DPP6: variants seen among roughly 807,000 people sequenced by gnomAD.
DPP6 encodes dipeptidyl peptidase like 6, also known as A-type potassium channel modulatory protein DPP6.
In DPP6, 69 loss-of-function variants were observed where a neutral mutation model predicts 122.6. The ratio of observed to expected loss-of-function variants is 0.56; its 90% CI spans 0.46 to 0.69. The LOEUF (loss-of-function observed/expected upper bound fraction) is 0.69, where lower values mean the gene tolerates loss of function less well. Ranked by LOEUF, DPP6 falls within the 30% of genes least tolerant of loss-of-function variation. The probability of loss-of-function intolerance (pLI) is 0.00; values close to 1 mark genes in which losing one functional copy is unlikely to be tolerated. For synonymous variants in DPP6, 418 were observed against 433.1 expected, an observed-to-expected ratio of 0.97 and a Z score of 0.43; for missense variants, 928 against 1,116.9, an observed-to-expected ratio of 0.83 and a Z score of 2.41.
chr7:154,422,363 A>C (rs1468385605), intron 1 of DPP6, among the ~76,000 whole-genome samples: 1 of 152,198 alleles, frequency 6.6e-6, no homozygotes, highest in Admixed American at 6.5e-5. Flanking sequence ...CATAGAAGCA[A>C]ATTTGTGTAT....
chr7:154,209,861 C>G (rs540038496), intron 1 of DPP6, among the ~76,000 whole-genome samples: 1 of 152,304 alleles, frequency 6.6e-6, no homozygotes, highest in East Asian at 1.9e-4. Flanking sequence ...AGGAACAAGA[C>G]AGTCAAAGGG....
At chr7:154,458,984 T>C (rs1821038722) in intron 2 of DPP6, among the ~76,000 whole-genome samples, 1 of 152,124 alleles carries the variant, frequency 6.6e-6, no homozygotes, top group Non-Finnish European at 1.5e-5. Context: ...TTTTCAAAAT[T>C]TGAGAGAAAG....
chr7:154,821,823 T>C lies in DPP6; in HGVS notation c.1666+14711T>C, dbSNP rs946239217. Reference sequence around the variant, plus strand: ...GAAACAGTAAGACCATTTTGGTGACTACAAAATGTAAACTACTAATTAAGA... The same window carrying C: ...GAAACAGTAAGACCATTTTGGTGACCACAAAATGTAAACTACTAATTAAGA... On this transcript the variant is annotated intron_variant, in intron 16 of 25. Transcript: ENST00000377770. The surrounding 1 kb of genome is among the most constrained non-coding windows in gnomAD (Gnocchi z 4.2). 2.6e-5 allele frequency among the ~76,000 whole-genome samples: 4 copies of C among 152,060 alleles called. No homozygotes were observed. Among genetic ancestry groups the C allele is most frequent in the African/African-American group, 4.8e-5 (2 of 41,400 alleles).
At chr7:154,242,148 C>A (rs1290209733) in intron 1 of DPP6, among the ~76,000 whole-genome samples, 2 of 152,120 alleles carry the variant, frequency 1.3e-5, no homozygotes, top group Non-Finnish European at 2.9e-5. Flanking sequence ...TTGTGCATAC[C>A]CCCGACTGGC....
At chr7:154,079,226 C>G (rs1563176985) in intron 1 of DPP6, among the ~76,000 whole-genome samples, 2 of 152,214 alleles carry the variant, frequency 1.3e-5, no homozygotes, top group Non-Finnish European at 2.9e-5. Flanking sequence ...TCTTTCCACA[C>G]AACTCCGTTT....
intron 13 of DPP6, among the ~76,000 whole-genome samples, chr7:154,801,916 C>T (rs1011357359): frequency 5.9e-5 from 9 of 152,102 alleles, no homozygotes; most frequent in African/African-American, 1.9e-4. Flanking sequence ...ATTATGTGAC[C>T]GCTACCAGCC....
chr7:153,839,961 T>A, the DPP6 span, among the ~76,000 whole-genome samples: 2 of 152,234 alleles, frequency 1.3e-5, no homozygotes, highest in Non-Finnish European at 2.9e-5. Flanking sequence ...AAAGTGAAGA[T>A]GCTTGTTCCC....
At chr7:154,164,603 A>G (rs1048322655) in intron 1 of DPP6, among the ~76,000 whole-genome samples, 9 of 152,186 alleles carry the variant, frequency 5.9e-5, no homozygotes, top group African/African-American at 1.7e-4. Context: ...TAGAAATCCA[A>G]TATCCATTAG....
At chr7:154,709,586 CT>C (rs3080667) in intron 7 of DPP6, among the ~76,000 whole-genome samples, 17,520 of 141,558 alleles carry the variant, frequency 0.12, 1,094 homozygotes, top group South Asian at 0.16. Context: ...CGACATTTTT[CT>C]TTTTTTTTTT....
chr7:154,325,911 A>G (rs1284822011), intron 1 of DPP6, among the ~76,000 whole-genome samples: 1 of 152,206 alleles, frequency 6.6e-6, no homozygotes, highest in East Asian at 1.9e-4. Context: ...GTTGTCAGGA[A>G]CTGCCATATA....
At chr7:153,974,598 C>T (rs1237862465) in intron 1 of DPP6, among the ~76,000 whole-genome samples, 1 of 152,130 alleles carries the variant, frequency 6.6e-6, no homozygotes, top group Non-Finnish European at 1.5e-5. Context: ...AGAAAATCTT[C>T]CACAATTCCT....
At chr7:154,101,935 C>CAAAAAAAAAAAAA (rs915468915) in intron 1 of DPP6, among the ~76,000 whole-genome samples, 2 of 40,828 alleles carry the variant, frequency 4.9e-5, no homozygotes, top group Non-Finnish European at 9.8e-5. Context: ...TACTCCATCT[C>CAAAAAAAAAAAAA]AAAAAAAAAA....
chr7:154,858,116 G>A (rs773704644), intron 17 of DPP6: 3 of 152,224 alleles, frequency 2.0e-5, no homozygotes, highest in Non-Finnish European at 4.4e-5. Flanking sequence ...GTCACAGGGA[G>A]CCATGGTAGT....
chr7:154,329,324 A>T (rs1808715456), intron 1 of DPP6, among the ~76,000 whole-genome samples: 1 of 152,236 alleles, frequency 6.6e-6, no homozygotes. Flanking sequence ...TTGCTGTCGC[A>T]GTCTTAAAAT....
intron 5 of DPP6, among the ~76,000 whole-genome samples, chr7:154,626,816 G>T (rs916715350): frequency 6.6e-6 from 1 of 152,090 alleles, no homozygotes; most frequent in Non-Finnish European, 1.5e-5. Flanking sequence ...TTTAACCCTT[G>T]TATAAATGGT....
chr7:153,906,015 A>C (rs1315334360), intron 1 of DPP6, among the ~76,000 whole-genome samples: 1 of 152,244 alleles, frequency 6.6e-6, no homozygotes, highest in Non-Finnish European at 1.5e-5. Flanking sequence ...CGGAAGTGTT[A>C]CACAGGTATT....
At chr7:154,326,326 G>A (rs544571441) in intron 1 of DPP6, among the ~76,000 whole-genome samples, 3 of 152,218 alleles carry the variant, frequency 2.0e-5, no homozygotes, top group Non-Finnish European at 2.9e-5. Context: ...ATATGGCCAC[G>A]TCTTGGTGGT....
intron 1 of DPP6, among the ~76,000 whole-genome samples, chr7:154,201,564 C>T (rs1799175601): frequency 6.6e-6 from 1 of 152,214 alleles, no homozygotes; most frequent in African/African-American, 2.4e-5. Context: ...GAAAACCCTT[C>T]ACTCCTAAAT....
the DPP6 span, among the ~76,000 whole-genome samples, chr7:153,869,213 C>A: frequency 1.3e-5 from 2 of 152,180 alleles, no homozygotes; most frequent in Non-Finnish European, 2.9e-5. Context: ...TCCTTGTTAA[C>A]TTTCTGTCTC....
Sources: allele counts gnomAD v4.1 joint callset (sites outside exome capture counted in the v4.1 genomes callset), GRCh38; gene constraint gnomAD v4.1.1; non-coding constraint Gnocchi (gnomAD v3.1); transcripts MANE v1.5; gene names NCBI Gene and HGNC (gene_info 2026-07-23, HGNC 2026-07-21).